GABRB1: variants seen among roughly 807,000 people sequenced by gnomAD.
GABRB1 encodes gamma-aminobutyric acid type A receptor subunit beta1, also known as gamma-aminobutyric acid receptor subunit beta-1.
Under a neutral mutation model 51.6 loss-of-function variants are expected in GABRB1, and 17 were observed. The observed-to-expected ratio is 0.33, with a 90% CI of 0.23 to 0.49. The LOEUF (loss-of-function observed/expected upper bound fraction) is 0.49, where lower values mean the gene tolerates loss of function less well. Ranked by LOEUF, GABRB1 falls within the 20% of genes least tolerant of loss-of-function variation. GABRB1 has a pLI of 0.99. For missense variants in GABRB1, 410 were observed against 600.6 expected (o/e 0.68, Z 3.32); for synonymous variants, 247 against 218.9 (o/e 1.13, Z -1.14).
chr4:47,067,471 G>T (rs964426028), intron 3 of GABRB1, among the ~76,000 whole-genome samples: 1 of 152,100 alleles, frequency 6.6e-6, no homozygotes, highest in Admixed American at 6.6e-5. Flanking sequence ...AGAATTTATT[G>T]TTTAGTGTAG....
intron 8 of GABRB1, among the ~76,000 whole-genome samples, chr4:47,407,840 C>T (rs749478942): frequency 5.9e-5 from 9 of 152,150 alleles, no homozygotes; most frequent in Admixed American, 1.3e-4. Flanking sequence ...GACTCATGTC[C>T]GTAATCCCAG....
At chr4:47,335,297 C>T (rs1277969486) in intron 5 of GABRB1, among the ~76,000 whole-genome samples, 1 of 152,052 alleles carries the variant, frequency 6.6e-6, no homozygotes, top group Non-Finnish European at 1.5e-5. Context: ...CATGAACTCC[C>T]CTATTCTTGT....
intron 3 of GABRB1, chr4:47,043,425 G>T (rs1489325027): frequency 6.6e-6 from 1 of 152,006 alleles, no homozygotes; most frequent in African/African-American, 2.4e-5. Flanking sequence ...TCATAACGTG[G>T]TTCTCTGAAA....
chr4:47,158,549 A>G (rs1006055576), intron 3 of GABRB1, among the ~76,000 whole-genome samples: 3 of 152,098 alleles, frequency 2.0e-5, no homozygotes. Flanking sequence ...CCTGTGTGGC[A>G]CTCGTAAGAA....
intron 5 of GABRB1, among the ~76,000 whole-genome samples, chr4:47,400,536 C>CTG (rs1728340480): frequency 6.8e-6 from 1 of 146,436 alleles, no homozygotes; most frequent in Non-Finnish European, 1.5e-5. Flanking sequence ...GTCTCTCTCT[C>CTG]TCTCTCTCTC....
chr4:47,397,577 T>G (rs935517374), intron 5 of GABRB1, among the ~76,000 whole-genome samples: 1 of 152,086 alleles, frequency 6.6e-6, no homozygotes, highest in African/African-American at 2.4e-5. Flanking sequence ...CTTTTTTTTT[T>G]CTTTTTTGAG....
intron 4 of GABRB1, among the ~76,000 whole-genome samples, chr4:47,300,401 G>A (rs1428279550): frequency 3.3e-5 from 5 of 151,922 alleles, no homozygotes; most frequent in East Asian, 3.8e-4. Flanking sequence ...ATCACAAAAC[G>A]TAATTACTAT....
At chr4:47,250,098 G>C (rs1721926494) in intron 4 of GABRB1, among the ~76,000 whole-genome samples, 2 of 152,114 alleles carry the variant, frequency 1.3e-5, no homozygotes, top group Admixed American at 1.3e-4. Flanking sequence ...TCCAGGATTT[G>C]TTTCAAGATT....
intron 3 of GABRB1, among the ~76,000 whole-genome samples, chr4:47,108,335 A>T (rs1014485181): frequency 6.6e-6 from 1 of 152,092 alleles, no homozygotes; most frequent in African/African-American, 2.4e-5. Flanking sequence ...ATGGGAAAGG[A>T]GTAAAAGAGA....
chr4:47,379,447 CCTAA>C (rs1342144235), intron 5 of GABRB1, among the ~76,000 whole-genome samples: 1 of 152,102 alleles, frequency 6.6e-6, no homozygotes, highest in African/African-American at 2.4e-5. Context: ...AATGAGTTGG[CCTAA>C]CTGTGAACTA....
chr4:47,194,981 C>T (rs533163608), intron 4 of GABRB1, among the ~76,000 whole-genome samples: 2 of 152,278 alleles, frequency 1.3e-5, no homozygotes, highest in African/African-American at 4.8e-5. Flanking sequence ...ATAAAAGTTA[C>T]AGGTCCTGAA....
In GABRB1 at chr4:47,273,987, G is replaced by A. The variant is rs143480382; in HGVS notation, c.462-46140G>A. 4.7e-3 allele frequency among the ~76,000 whole-genome samples: 718 copies of A among 151,616 alleles called. 17 individuals carry two copies. The highest frequency in any genetic ancestry group is 3.1e-3 in the East Asian group (16 of 5,162). On this transcript the variant is annotated intron_variant, in intron 4 of 8. Transcript: ENST00000295454. ...AGATTATGCATGCATACACATACAT[G>A]TATACATTTACACTCATGCAAGTAT...
intron 4 of GABRB1, among the ~76,000 whole-genome samples, chr4:47,165,073 T>C (rs1718117751): frequency 6.6e-6 from 1 of 152,118 alleles, no homozygotes; most frequent in African/African-American, 2.4e-5. Context: ...CCATGTGCCA[T>C]GAGCCATTTA....
intron 4 of GABRB1, among the ~76,000 whole-genome samples, chr4:47,296,378 GAC>G (rs942014387): frequency 9.2e-5 from 14 of 152,132 alleles, no homozygotes; most frequent in Admixed American, 8.5e-4. Flanking sequence ...CACATGCAGA[GAC>G]ACACATAGGC....
At chr4:47,068,482 C>CA (rs1727178720) in intron 3 of GABRB1, among the ~76,000 whole-genome samples, 1 of 152,184 alleles carries the variant, frequency 6.6e-6, no homozygotes, top group Non-Finnish European at 1.5e-5. Flanking sequence ...GAGAGACATT[C>CA]AACTCTTTCT....
At position 47,161,231 on chromosome 4, in the gene GABRB1, G is replaced by C; in HGVS notation, c.241-18G>C. On this transcript the variant is annotated intron_variant, in intron 3 of 8. Transcript: ENST00000295454. ...ATAGTAAAATTCTTTTTTTTTTTTT[G>C]CTTTCTTTATTTCACAGGATTATAC... 4 of 1,107,626 alleles carry C rather than the reference G, an allele frequency of 3.6e-6. No individual in the cohort carries two copies. The highest frequency in any genetic ancestry group is 2.8e-5 in the East Asian group (1 of 35,890). The allele number at this position is 1,107,626 out of a possible 1,614,324, so 68.6% of individuals were successfully genotyped here.
chr4:47,063,566 C>T (rs549546448), intron 3 of GABRB1, among the ~76,000 whole-genome samples: 1 of 152,256 alleles, frequency 6.6e-6, no homozygotes, highest in Non-Finnish European at 1.5e-5. Context: ...ACACTGACCA[C>T]TCCAACTCTA....
At chr4:47,224,742 A>C (rs1217321675) in intron 4 of GABRB1, among the ~76,000 whole-genome samples, 1 of 152,184 alleles carries the variant, frequency 6.6e-6, no homozygotes, top group Non-Finnish European at 1.5e-5. Flanking sequence ...TTGGTTAAAA[A>C]GAGAGTCTTT....
chr4:47,386,462 CAAT>C (rs1727798054), intron 5 of GABRB1, among the ~76,000 whole-genome samples: 1 of 152,146 alleles, frequency 6.6e-6, no homozygotes, highest in Non-Finnish European at 1.5e-5. Context: ...TCAATACAGA[CAAT>C]AAGATTTTTA....
Sources: allele counts gnomAD v4.1 joint callset (sites outside exome capture counted in the v4.1 genomes callset), GRCh38; gene constraint gnomAD v4.1.1; transcripts MANE v1.5; gene names NCBI Gene and HGNC (gene_info 2026-07-23, HGNC 2026-07-21).